Variants in ARL15 observed in about 807,000 individuals in gnomAD.
The protein encoded by ARL15 is ARF like GTPase 15.
In ARL15, 19 loss-of-function variants were observed where a neutral mutation model predicts 25.2. The ratio of observed to expected loss-of-function variants is 0.75; its 90% CI spans 0.53 to 1.10. ARL15 has a LOEUF of 1.10. Among genes scored for constraint, ARL15 ranks in the 50% least tolerant of loss-of-function variants. The pLI, the probability that ARL15 is intolerant of heterozygous loss-of-function variation, is 0.00. For missense variants in ARL15, 220 were observed against 246.0 expected, an observed-to-expected ratio of 0.89 and a Z score of 0.71; for synonymous variants, 94 against 86.8, an observed-to-expected ratio of 1.08 and a Z score of -0.46.
At chr5:54,113,513 T>C (rs927238313) in intron 3 of ARL15, 103 bp from the exon 4 acceptor site, 1 of 1,076,508 alleles carries the variant, frequency 9.3e-7, no homozygotes, top group African/African-American at 1.6e-5. Context: ...CTTTTAAAAA[T>C]TAAGTGCTAA....
intron 4 of ARL15, among the ~76,000 whole-genome samples, chr5:54,101,868 G>A (rs1752448028): frequency 6.6e-6 from 1 of 152,056 alleles, no homozygotes; most frequent in South Asian, 2.1e-4. Context: ...AAGTTAATAT[G>A]CAAAATTGGT....
At chr5:54,193,323 C>T (rs182168047) in intron 1 of ARL15, among the ~76,000 whole-genome samples, 37 of 152,226 alleles carry the variant, frequency 2.4e-4, no homozygotes, top group African/African-American at 8.7e-4. Flanking sequence ...ATTGATTTCA[C>T]CTCTTAAATA....
In ARL15 at chr5:54,016,295, G is replaced by A. The variant is rs532763557; in HGVS notation, c.462+96907C>T. Among the ~76,000 whole-genome samples, 8 of 152,148 alleles carry A rather than the reference G, an allele frequency of 5.3e-5. No homozygotes were observed. The South Asian group carries it at 8.3e-4, about 16-fold the overall frequency. On this transcript the variant is annotated intron_variant, in intron 4 of 4. Coordinates refer to ENST00000504924, the MANE Select transcript of ARL15 (RefSeq NM_019087.3). ...TCGTTCCCTGTCAAGTAATCTTCAC[G>A]AAATCCCTGTGAAAGAGATGGTAAG...
At chr5:53,996,127 G>A (rs561535851) in intron 4 of ARL15, among the ~76,000 whole-genome samples, 1 of 152,226 alleles carries the variant, frequency 6.6e-6, no homozygotes, top group East Asian at 1.9e-4. Context: ...CAGCTAGATG[G>A]GTGAGCAAAA....
chr5:54,015,640 T>C (rs1201756782), intron 4 of ARL15, among the ~76,000 whole-genome samples: 4 of 152,192 alleles, frequency 2.6e-5, no homozygotes, highest in Non-Finnish European at 5.9e-5. Flanking sequence ...CACAACACAT[T>C]TGGTTGTCCC....
intron 4 of ARL15, among the ~76,000 whole-genome samples, chr5:54,045,640 G>A (rs953108601): frequency 6.6e-6 from 1 of 151,556 alleles, no homozygotes; most frequent in African/African-American, 2.4e-5. Flanking sequence ...TTTCATTTTT[G>A]GCTGTCTAAT....
At chr5:53,928,501 A>G (rs1746099988) in intron 4 of ARL15, among the ~76,000 whole-genome samples, 1 of 152,236 alleles carries the variant, frequency 6.6e-6, no homozygotes, top group South Asian at 2.1e-4. Flanking sequence ...TTTGCCAAAT[A>G]CCCTTTATAA....
intron 1 of ARL15, among the ~76,000 whole-genome samples, chr5:54,208,956 A>C (rs981793033): frequency 2.0e-5 from 3 of 152,168 alleles, no homozygotes; most frequent in Admixed American, 2.0e-4. Context: ...AGATTTATAC[A>C]ACTCAAGAGA....
intron 4 of ARL15, among the ~76,000 whole-genome samples, chr5:54,029,224 T>C (rs1267234757): frequency 6.6e-6 from 1 of 151,996 alleles, no homozygotes; most frequent in Non-Finnish European, 1.5e-5. Context: ...AACTACTTCC[T>C]CAGGTTGTCA....
chr5:54,202,790 C>T (rs543572519), intron 1 of ARL15, among the ~76,000 whole-genome samples: 3 of 152,042 alleles, frequency 2.0e-5, no homozygotes, highest in Non-Finnish European at 4.4e-5. Flanking sequence ...GGGTGTTGTA[C>T]TTTTGTTTTC....
chr5:54,072,297 C>T (rs1464336935), intron 4 of ARL15, among the ~76,000 whole-genome samples: 1 of 152,168 alleles, frequency 6.6e-6, no homozygotes, highest in Non-Finnish European at 1.5e-5. Flanking sequence ...AGATTTTGAA[C>T]TGGCCAAGGT....
chr5:54,060,314 C>A (rs906014525), intron 4 of ARL15, among the ~76,000 whole-genome samples: 7 of 151,840 alleles, frequency 4.6e-5, no homozygotes, highest in Admixed American at 2.0e-4. Context: ...CTGTAATCCC[C>A]GCTACTCAGG....
intron 4 of ARL15, among the ~76,000 whole-genome samples, chr5:53,991,960 C>T (rs56193151): frequency 0.22 from 33,884 of 152,178 alleles, 3,993 homozygotes; most frequent in East Asian, 0.46. Flanking sequence ...TTAACCACAA[C>T]TACTCACTAA....
At chr5:54,168,159 A>C (rs867405820) in intron 2 of ARL15, among the ~76,000 whole-genome samples, 1 of 152,200 alleles carries the variant, frequency 6.6e-6, no homozygotes, top group Non-Finnish European at 1.5e-5. Flanking sequence ...ACAGACATTC[A>C]ATGAATGTGG....
At chr5:54,277,751 C>CA (rs896693654) in intron 1 of ARL15, among the ~76,000 whole-genome samples, 88 of 136,988 alleles carry the variant, frequency 6.4e-4, no homozygotes, top group Middle Eastern at 7.2e-3. Flanking sequence ...GACTTCGTCT[C>CA]AAAAAAAAAA....
At chr5:54,268,863 C>CAT (rs1259775140) in intron 1 of ARL15, among the ~76,000 whole-genome samples, 1 of 152,124 alleles carries the variant, frequency 6.6e-6, no homozygotes, top group African/African-American at 2.4e-5. Context: ...AAATGTGGCA[C>CAT]ATATATACCA....
intron 4 of ARL15, among the ~76,000 whole-genome samples, chr5:54,042,568 G>A (rs1252543244): frequency 6.6e-6 from 1 of 152,174 alleles, no homozygotes; most frequent in Non-Finnish European, 1.5e-5. Flanking sequence ...GACTCTTGGA[G>A]CATCTGATTG....
chr5:54,197,067 T>C (rs1755570370), intron 1 of ARL15, among the ~76,000 whole-genome samples: 1 of 152,174 alleles, frequency 6.6e-6, no homozygotes, highest in South Asian at 2.1e-4. Context: ...ATTTCAGTTC[T>C]TCACAACACA....
In ARL15 at chr5:53,971,339, A is replaced by G. The variant is rs76457031; in HGVS notation, c.463-84626T>C. On this transcript the variant is annotated intron_variant, in intron 4 of 4. Coordinates refer to ENST00000504924, the MANE Select transcript of ARL15 (RefSeq NM_019087.3). Reference sequence around the variant, plus strand: ...TGTAATGTATTTGACTCATGTTTTCATGGAGCTGTGGATTGTCCTAGGGGG... The same window carrying G: ...TGTAATGTATTTGACTCATGTTTTCGTGGAGCTGTGGATTGTCCTAGGGGG... 2.0e-3 allele frequency among the ~76,000 whole-genome samples: 311 copies of G among 152,288 alleles called. 2 individuals carry two copies. Among genetic ancestry groups the G allele is most frequent in the African/African-American group, 7.1e-3 (294 of 41,578 alleles).
Sources: allele counts gnomAD v4.1 joint callset (sites outside exome capture counted in the v4.1 genomes callset), GRCh38; gene constraint gnomAD v4.1.1; transcripts MANE v1.5; gene names NCBI Gene and HGNC (gene_info 2026-07-23, HGNC 2026-07-21).